SYT6: variants seen among roughly 807,000 people sequenced by gnomAD.
SYT6 encodes synaptotagmin 6.
In SYT6, 24 loss-of-function variants were observed where a neutral mutation model predicts 38.4. The ratio of observed to expected loss-of-function variants is 0.62; its 90% CI spans 0.45 to 0.88. The LOEUF (loss-of-function observed/expected upper bound fraction) is 0.88, where lower values mean the gene tolerates loss of function less well. Among genes scored for constraint, SYT6 ranks in the 40% least tolerant of loss-of-function variants. SYT6 has a pLI of 0.00. For missense variants in SYT6, 611 were observed against 621.0 expected (o/e 0.98, Z 0.17); for synonymous variants, 265 against 241.9 (o/e 1.10, Z -0.89).
In SYT6 at chr1:114,093,724, C is replaced by T; in HGVS notation, c.*51+11G>A. ...CAACCTAACGTCTTTGGGTCCACACCAGGTACTTACTCCTAACTCCAGGTG... is the reference window on the plus strand; with the variant it reads ...CAACCTAACGTCTTTGGGTCCACACTAGGTACTTACTCCTAACTCCAGGTG... On this transcript the variant is annotated intron_variant, in intron 7 of 7. Transcript: ENST00000610222. 6.2e-7 allele frequency: 1 copy of T among 1,612,972 alleles called. No individual in the cohort carries two copies. The highest frequency in any genetic ancestry group is 8.5e-7 in the Non-Finnish European group (1 of 1,179,480).
At chr1:114,109,150 G>A (rs1676519173) in intron 3 of SYT6, among the ~76,000 whole-genome samples, 1 of 152,158 alleles carries the variant, frequency 6.6e-6, no homozygotes, top group South Asian at 2.1e-4. Flanking sequence ...AGCTGAGCCA[G>A]CCCCTGTGAT....
chr1:114,129,524 CTCTT>C lies in SYT6; in HGVS notation c.1071+7967_1071+7970del, dbSNP rs200957204. 3.4e-3 allele frequency among the ~76,000 whole-genome samples: 516 copies of C among 151,710 alleles called. 4 individuals carry two copies. Among genetic ancestry groups the C allele is most frequent in the African/African-American group, 9.3e-3 (384 of 41,358 alleles). The stretch of plus-strand genomic sequence containing the variant: ...GGTCCTCTTGCTGTTCTTTGTTTTT[CTCTT>C]TCTTTCTTTCTTTTTTTTCTGTCTT... On this transcript the variant is annotated intron_variant, in intron 3 of 7. Coordinates refer to ENST00000610222, the MANE Select transcript of SYT6 (RefSeq NM_001253772.2).
At chr1:114,109,543 A>T (rs1676546591) in intron 3 of SYT6, among the ~76,000 whole-genome samples, 1 of 152,176 alleles carries the variant, frequency 6.6e-6, no homozygotes, top group Non-Finnish European at 1.5e-5. Flanking sequence ...TATAGGACCC[A>T]CCTCTTAGGG....
At chr1:114,101,417 T>A (rs369154048) in intron 4 of SYT6, among the ~76,000 whole-genome samples, 8 of 152,308 alleles carry the variant, frequency 5.3e-5, no homozygotes, top group Admixed American at 4.6e-4. Context: ...ACCAGCAGTG[T>A]ATTTCAGCCT....
chr1:114,153,570 G>T (rs1188259938), intron 1 of SYT6, 40 bp downstream of exon 1: 2 of 579,502 alleles, frequency 3.5e-6, no homozygotes, highest in Admixed American at 7.0e-5. Context: ...ATCGCAGGAC[G>T]GATATCCAGG....
chr1:114,129,587 TCTTTCTTTCTTTCTTTCTTTCTTTCTTTC>T (rs2101063036), intron 3 of SYT6, among the ~76,000 whole-genome samples: 1 of 105,720 alleles, frequency 9.5e-6, no homozygotes, highest in South Asian at 4.3e-4. Flanking sequence ...TTTCTTTCTT[TCTTTCTTTCTTTCTTTCTTTCTTTCTTTC>T]CTTTCTTTCT....
intron 1 of SYT6, among the ~76,000 whole-genome samples, chr1:114,145,511 T>G (rs912351610): frequency 4.3e-5 from 5 of 116,110 alleles, no homozygotes; most frequent in East Asian, 2.2e-4. Flanking sequence ...AGTTTTTTTT[T>G]TTTTTTTTTT....
intron 1 of SYT6, chr1:114,153,005 C>T (rs1679526836): frequency 6.6e-6 from 1 of 151,738 alleles, no homozygotes; most frequent in African/African-American, 2.4e-5. Context: ...ATACCCTCCC[C>T]CACCCCGCCC....
intron 6 of SYT6, among the ~76,000 whole-genome samples, chr1:114,094,580 C>A (rs760932346): frequency 6.6e-6 from 1 of 152,168 alleles, no homozygotes; most frequent in Non-Finnish European, 1.5e-5. Flanking sequence ...CAGGGAAAGA[C>A]ACCTTTTCAG....
At chr1:114,109,970 G>A (rs1026469598) in intron 3 of SYT6, among the ~76,000 whole-genome samples, 14 of 152,228 alleles carry the variant, frequency 9.2e-5, no homozygotes, top group Admixed American at 2.6e-4. Context: ...TGTTCGGGGC[G>A]CATGAGAGGT....
chr1:114,141,916 T>C (rs993420341), intron 1 of SYT6, among the ~76,000 whole-genome samples: 3 of 152,180 alleles, frequency 2.0e-5, no homozygotes, highest in African/African-American at 7.2e-5. Flanking sequence ...TTAAGAATGG[T>C]TTACTGAATA....
chr1:114,111,730 A>T (rs201730086), intron 3 of SYT6, among the ~76,000 whole-genome samples: 1 of 150,696 alleles, frequency 6.6e-6, no homozygotes, highest in Non-Finnish European at 1.5e-5. Flanking sequence ...GACTTCCGAG[A>T]GGAACCCGGC....
intron 3 of SYT6, among the ~76,000 whole-genome samples, chr1:114,110,584 G>A (rs1676618036): frequency 6.6e-6 from 1 of 152,192 alleles, no homozygotes; most frequent in South Asian, 2.1e-4. Flanking sequence ...CAAGTGCTTG[G>A]ATTTTGCTTC....
At chr1:114,096,721 A>T (rs1415034100) in intron 6 of SYT6, among the ~76,000 whole-genome samples, 1 of 152,204 alleles carries the variant, frequency 6.6e-6, no homozygotes, top group Non-Finnish European at 1.5e-5. Context: ...AGGTGACTCC[A>T]ATTTTAAGCC....
At chr1:114,118,172 G>T (rs989737793) in intron 3 of SYT6, among the ~76,000 whole-genome samples, 1 of 152,188 alleles carries the variant, frequency 6.6e-6, no homozygotes, top group Non-Finnish European at 1.5e-5. Flanking sequence ...CTGGGAGGTT[G>T]CTATAAACCA....
chr1:114,152,908 A>G (rs1447929729), intron 1 of SYT6: 6 of 152,278 alleles, frequency 3.9e-5, no homozygotes, highest in African/African-American at 1.4e-4. Context: ...TCAGTCGCGC[A>G]CCGGCCCCGA....
chr1:114,137,571 A>G lies in SYT6; in HGVS notation c.995T>C (p.Ile332Thr). 6.2e-7 allele frequency: 1 copy of G among 1,614,218 alleles called. No homozygotes were observed. The highest frequency in any genetic ancestry group is 8.5e-7 in the Non-Finnish European group (1 of 1,180,040). The change falls in exon 3 of 8, where the codon ATC (isoleucine) becomes ACC (threonine). Residue 332 changes from isoleucine to threonine, a missense_variant. Coordinates refer to ENST00000610222, the MANE Select transcript of SYT6 (RefSeq NM_001253772.2). Reference sequence around the variant, plus strand: ...AGAGGCCTCAAAGAGGTTGTCCAGGATGACCTCGCCAATCATGTCATGGCG... The same window carrying G: ...AGAGGCCTCAAAGAGGTTGTCCAGGGTGACCTCGCCAATCATGTCATGGCG... Reference protein sequence around the residue: ...FSRHDMIGEVILDNLFEASDL... With the variant: ...FSRHDMIGEVTLDNLFEASDL...
At chr1:114,149,407 TC>T (rs1679334462) in intron 1 of SYT6, among the ~76,000 whole-genome samples, 1 of 151,816 alleles carries the variant, frequency 6.6e-6, no homozygotes, top group African/African-American at 2.4e-5. Context: ...CTTTCAGAGA[TC>T]CAGACTGAGC....
chr1:114,120,207 C>T (rs1324738308), intron 3 of SYT6, among the ~76,000 whole-genome samples: 1 of 152,168 alleles, frequency 6.6e-6, no homozygotes, highest in Non-Finnish European at 1.5e-5. Context: ...TCTCAGAATT[C>T]AAAGACCACA....
Sources: gnomAD v4.1 joint callset for allele counts (sites outside exome capture counted in the v4.1 genomes callset) on GRCh38, gnomAD v4.1.1 for gene constraint, MANE v1.5 for transcripts, NCBI Gene and HGNC (gene_info 2026-07-23, HGNC 2026-07-21) for gene names.